The following PRKAR2B variants were observed in gnomAD, a reference collection of about 807,000 sequenced individuals.
The protein encoded by PRKAR2B is cAMP-dependent protein kinase type II-beta regulatory subunit.
A neutral mutation model predicts 49.9 loss-of-function variants in PRKAR2B; 14 were observed. The ratio of observed to expected loss-of-function variants is 0.28; its 90% CI spans 0.19 to 0.44. PRKAR2B has a LOEUF of 0.44. PRKAR2B is among the 20% of genes least tolerant of loss of function. PRKAR2B has a pLI of 1.00. For missense variants in PRKAR2B, 393 were observed against 537.9 expected, an observed-to-expected ratio of 0.73 and a Z score of 2.67; for synonymous variants, 196 against 197.7, an observed-to-expected ratio of 0.99 and a Z score of 0.07.
At chr7:107,066,301 G>GGGGGGT (rs147673007) in intron 1 of PRKAR2B, among the ~76,000 whole-genome samples, 5 of 145,604 alleles carry the variant, frequency 3.4e-5, no homozygotes, top group Admixed American at 1.4e-4. Context: ...CTCTATGTGG[G>GGGGGGT]GTGTGTGTGT....
intron 2 of PRKAR2B, among the ~76,000 whole-genome samples, chr7:107,077,073 A>AT (rs1470024681): frequency 6.6e-6 from 1 of 151,942 alleles, no homozygotes; most frequent in Non-Finnish European, 1.5e-5. Flanking sequence ...CCCCCAAACT[A>AT]TTTTTTTCCA....
intron 2 of PRKAR2B, among the ~76,000 whole-genome samples, chr7:107,093,815 T>A (rs1413685481): frequency 2.0e-5 from 3 of 152,162 alleles, no homozygotes; most frequent in Admixed American, 2.0e-4. Context: ...TCCAGCTTCA[T>A]CCATGTCCCT....
At chr7:107,071,077 A>T (rs1794263398) in intron 2 of PRKAR2B, among the ~76,000 whole-genome samples, 2 of 152,238 alleles carry the variant, frequency 1.3e-5, no homozygotes, top group African/African-American at 4.8e-5. Flanking sequence ...TATTATTTAG[A>T]AAATTCACCA....
intron 2 of PRKAR2B, among the ~76,000 whole-genome samples, chr7:107,090,144 G>A (rs993031103): frequency 6.6e-6 from 1 of 152,202 alleles, no homozygotes; most frequent in Admixed American, 6.5e-5. Flanking sequence ...TGGCAGGGGT[G>A]TGGTTCACAG....
At chr7:107,081,893 A>G (rs940440265) in intron 2 of PRKAR2B, 1 of 152,238 alleles carries the variant, frequency 6.6e-6, no homozygotes, top group African/African-American at 2.4e-5. Flanking sequence ...GGTACAGCTG[A>G]CCTTTTCCTT....
intron 2 of PRKAR2B, among the ~76,000 whole-genome samples, chr7:107,102,024 C>T (rs552096143): frequency 1.3e-5 from 2 of 152,064 alleles, no homozygotes; most frequent in South Asian, 2.1e-4. Context: ...CAACAAGACT[C>T]ACCAGTCTGC....
At chr7:107,049,822 T>C (rs1793767498) in intron 1 of PRKAR2B, among the ~76,000 whole-genome samples, 1 of 152,172 alleles carries the variant, frequency 6.6e-6, no homozygotes, top group Non-Finnish European at 1.5e-5. Flanking sequence ...GACTTTATAG[T>C]TTTTGGCTAT....
intron 2 of PRKAR2B, among the ~76,000 whole-genome samples, chr7:107,095,037 G>C (rs1235950930): frequency 6.6e-6 from 1 of 152,160 alleles, no homozygotes; most frequent in Admixed American, 6.6e-5. Flanking sequence ...TTCCAATTCT[G>C]TGAAGGAAGT....
At position 107,044,967 on chromosome 7, in the gene PRKAR2B, G is replaced by A. The variant is rs771854597; in HGVS notation, c.60G>A (p.Val20=). The change falls in exon 1 of 11, where the codon GTG becomes GTA. Residue 20 remains valine, a synonymous_variant. Transcript: ENST00000265717. Reference sequence around the variant, plus strand: ...TGCTGCAGGGCTTCACGGTGGAGGTGCTGAGGCACCAGCCCGCGGACCTGC... The same window carrying A: ...TGCTGCAGGGCTTCACGGTGGAGGTACTGAGGCACCAGCCCGCGGACCTGC... The part of the protein sequence containing the change: ...TELLQGFTVE[V]LRHQPADLLE... 2.0e-5 allele frequency: 31 copies of A among 1,589,580 alleles called. No individual in the cohort carries two copies. Among genetic ancestry groups the A allele is most frequent in the Non-Finnish European group, 2.6e-5 (31 of 1,170,704 alleles).
At chr7:107,062,904 G>A (rs1794053334) in intron 1 of PRKAR2B, among the ~76,000 whole-genome samples, 1 of 151,516 alleles carries the variant, frequency 6.6e-6, no homozygotes, top group Non-Finnish European at 1.5e-5. Flanking sequence ...AAAAGCCAAA[G>A]ACTAGTCAAG....
chr7:107,149,985 T>G (rs1795954241), intron 6 of PRKAR2B, among the ~76,000 whole-genome samples: 1 of 151,998 alleles, frequency 6.6e-6, no homozygotes, highest in Admixed American at 6.6e-5. Context: ...ACACCTACTA[T>G]GTACCCACAA....
At position 107,102,212 on chromosome 7, in the gene PRKAR2B, GA is replaced by G. The variant is rs760927626; in HGVS notation, c.344-19733del. ...ACAGAGCGAGACTCCGTCTCAAAAA[GA>G]AAAAAATAACAGCTAGAACTAGGAA... On this transcript the variant is annotated intron_variant, in intron 2 of 10. Coordinates refer to ENST00000265717, the MANE Select transcript of PRKAR2B (RefSeq NM_002736.3). 1.8e-3 allele frequency among the ~76,000 whole-genome samples: 271 copies of G among 151,998 alleles called. 1 individual carries two copies. The highest frequency in any genetic ancestry group is 3.3e-3 in the Non-Finnish European group (222 of 67,944).
chr7:107,151,722 T>C (rs951566058), intron 7 of PRKAR2B, among the ~76,000 whole-genome samples: 4 of 152,186 alleles, frequency 2.6e-5, no homozygotes, highest in African/African-American at 9.7e-5. Flanking sequence ...CTGGAGAGCA[T>C]GGGTTGTTCA....
chr7:107,049,010 A>G (rs1207732426), intron 1 of PRKAR2B, among the ~76,000 whole-genome samples: 1 of 152,128 alleles, frequency 6.6e-6, no homozygotes, highest in African/African-American at 2.4e-5. Context: ...TTGACATGTC[A>G]TGTCTGAAAG....
chr7:107,059,858 C>G (rs1198449351), intron 1 of PRKAR2B, among the ~76,000 whole-genome samples: 1 of 152,048 alleles, frequency 6.6e-6, no homozygotes, highest in Non-Finnish European at 1.5e-5. Flanking sequence ...CTAAGATTTT[C>G]TTTGCCTTTT....
intron 1 of PRKAR2B, among the ~76,000 whole-genome samples, chr7:107,049,286 G>C (rs927402085): frequency 1.3e-5 from 2 of 152,110 alleles, no homozygotes; most frequent in Non-Finnish European, 2.9e-5. Context: ...CAACCTGGGA[G>C]AAAAAATAAC....
intron 4 of PRKAR2B, among the ~76,000 whole-genome samples, chr7:107,136,807 G>A (rs1795709322): frequency 1.3e-5 from 2 of 152,132 alleles, no homozygotes; most frequent in South Asian, 4.1e-4. Flanking sequence ...CATGCTCCTT[G>A]GTATTTACCC....
At chr7:107,087,594 C>G (rs1343796813) in intron 2 of PRKAR2B, among the ~76,000 whole-genome samples, 1 of 152,082 alleles carries the variant, frequency 6.6e-6, no homozygotes, top group African/African-American at 2.4e-5. Context: ...AGGTTAAGTC[C>G]TTTCCCAAGC....
In PRKAR2B at chr7:107,044,801, G is replaced by A. The variant is rs1238618888; in HGVS notation, c.-107G>A. On this transcript the variant is annotated 5_prime_UTR_variant, in exon 1 of 11. Transcript: ENST00000265717. The stretch of plus-strand genomic sequence containing the variant: ...GGCCCAGTGCGCCGCGCTCGCAGCC[G>A]GTAGCGCGCCAGCGCCGTAGGCGCT... The A allele has an allele frequency of 3.4e-6, 3 of 876,782 alleles. No homozygotes were observed. The highest frequency in any genetic ancestry group is 2.9e-6 in the Non-Finnish European group (2 of 682,232). 54.3% of individuals were successfully genotyped at this position (876,782 alleles called of 1,614,324 possible).
Sources: allele counts gnomAD v4.1 joint callset (sites outside exome capture counted in the v4.1 genomes callset), GRCh38; gene constraint gnomAD v4.1.1; transcripts MANE v1.5; gene names NCBI Gene and HGNC (gene_info 2026-07-23, HGNC 2026-07-21).